Variants in NRXN1 observed in about 807,000 individuals in gnomAD.
NRXN1 encodes neurexin-1.
Under a neutral mutation model 150.9 loss-of-function variants are expected in NRXN1, and 39 were observed. That is an observed-to-expected ratio of 0.26 (90% CI 0.20 to 0.34). The LOEUF (loss-of-function observed/expected upper bound fraction) is 0.34. Among genes scored for constraint, NRXN1 ranks in the 10% least tolerant of loss-of-function variants. NRXN1 has a pLI of 1.00. For missense variants in NRXN1, 1,815 were observed against 1,949.9 expected (o/e 0.93, Z 1.30); for synonymous variants, 924 against 757.0 (o/e 1.22, Z -3.62).
intron 18 of NRXN1, among the ~76,000 whole-genome samples, chr2:50,191,418 T>C (rs1462455035): frequency 6.6e-6 from 1 of 152,184 alleles, no homozygotes; most frequent in African/African-American, 2.4e-5. Flanking sequence ...TAGAGATTAT[T>C]CCGACTTCAC....
intron 18 of NRXN1, among the ~76,000 whole-genome samples, chr2:50,160,497 C>T (rs895991946): frequency 2.0e-4 from 30 of 151,820 alleles, no homozygotes; most frequent in South Asian, 2.1e-4. Context: ...GCTGAGATTG[C>T]GCCATTGCAC....
At chr2:50,311,071 C>T (rs2075138139) in intron 17 of NRXN1, among the ~76,000 whole-genome samples, 2 of 152,016 alleles carry the variant, frequency 1.3e-5, no homozygotes, top group African/African-American at 4.8e-5. Flanking sequence ...ACAAAGTAGC[C>T]TTTTTTATTT....
At chr2:50,357,294 A>ATTTATTTATTTT (rs1363150988) in intron 17 of NRXN1, among the ~76,000 whole-genome samples, 1 of 149,928 alleles carries the variant, frequency 6.7e-6, no homozygotes, top group Non-Finnish European at 1.5e-5. Context: ...ACATTTATTT[A>ATTTATTTATTTT]TTTATTTATT....
chr2:50,834,673 A>C (rs920185072), intron 5 of NRXN1, among the ~76,000 whole-genome samples: 1 of 152,192 alleles, frequency 6.6e-6, no homozygotes, highest in African/African-American at 2.4e-5. Context: ...CAGTTTACTC[A>C]TTTGTAAAAT....
intron 5 of NRXN1, among the ~76,000 whole-genome samples, chr2:50,895,094 A>C (rs1323785263): frequency 6.6e-6 from 1 of 152,178 alleles, no homozygotes; most frequent in Non-Finnish European, 1.5e-5. Context: ...CCACAAGAAT[A>C]AATGACAAAT....
intron 5 of NRXN1, among the ~76,000 whole-genome samples, chr2:50,777,577 A>T (rs1703819474): frequency 6.6e-6 from 1 of 152,190 alleles, no homozygotes; most frequent in Admixed American, 6.5e-5. Context: ...CATAAAACCA[A>T]GCATTCCATT....
intron 21 of NRXN1, among the ~76,000 whole-genome samples, chr2:50,009,727 C>T (rs1685344854): frequency 6.6e-6 from 1 of 152,064 alleles, no homozygotes; most frequent in Admixed American, 6.6e-5. Flanking sequence ...AGTCGCCTGA[C>T]AATTATTAAA....
chr2:50,970,621 T>C (rs1263191430), intron 2 of NRXN1, among the ~76,000 whole-genome samples: 1 of 152,116 alleles, frequency 6.6e-6, no homozygotes, highest in Non-Finnish European at 1.5e-5. Flanking sequence ...TGAATGTTAA[T>C]CACATTTTAG....
At chr2:50,961,330 A>T (rs979737391) in intron 2 of NRXN1, among the ~76,000 whole-genome samples, 2 of 151,590 alleles carry the variant, frequency 1.3e-5, no homozygotes, top group African/African-American at 4.8e-5. Flanking sequence ...CTCTCAGGTG[A>T]TGCTGATGCT....
At chr2:50,652,123 A>C (rs983474180) in intron 5 of NRXN1, among the ~76,000 whole-genome samples, 3 of 151,704 alleles carry the variant, frequency 2.0e-5, no homozygotes, top group African/African-American at 4.8e-5. Flanking sequence ...TTTTTCACAC[A>C]CCTCTTCTGC....
intron 8 of NRXN1, among the ~76,000 whole-genome samples, chr2:50,609,753 G>A (rs144606838): frequency 6.5e-4 from 99 of 152,056 alleles, no homozygotes; most frequent in African/African-American, 1.3e-3. Flanking sequence ...ACAAAAATAC[G>A]TCCATATTTC....
intron 5 of NRXN1, among the ~76,000 whole-genome samples, chr2:50,878,780 C>G (rs1222537348): frequency 5.3e-5 from 8 of 151,930 alleles, no homozygotes; most frequent in Non-Finnish European, 1.5e-5. Context: ...AAAAATAAAA[C>G]TCTTCAGAAT....
At chr2:50,659,135 G>C (rs1244384768) in intron 5 of NRXN1, among the ~76,000 whole-genome samples, 1 of 152,002 alleles carries the variant, frequency 6.6e-6, no homozygotes, top group Non-Finnish European at 1.5e-5. Flanking sequence ...TATGACTACT[G>C]TTCCATCAAG....
chr2:50,289,619 A>G (rs569539755), intron 17 of NRXN1, among the ~76,000 whole-genome samples: 1 of 152,296 alleles, frequency 6.6e-6, no homozygotes, highest in Admixed American at 6.5e-5. Flanking sequence ...AAGGCAATTT[A>G]CTATTAGCTA....
At chr2:50,552,468 T>C (rs756360736) in intron 9 of NRXN1, 119 bp downstream of exon 9, 65 of 740,554 alleles carry the variant, frequency 8.8e-5, no homozygotes, top group Non-Finnish European at 1.3e-4. Flanking sequence ...GCAATTTCTT[T>C]TAGGCTAAAG....
At chr2:50,738,578 A>T (rs1699048489) in intron 5 of NRXN1, among the ~76,000 whole-genome samples, 1 of 152,224 alleles carries the variant, frequency 6.6e-6, no homozygotes, top group Non-Finnish European at 1.5e-5. Flanking sequence ...AAGAGAATGC[A>T]TGAGTTCTTT....
In NRXN1 at chr2:50,347,039, A is replaced by G. The variant is rs896805646; in HGVS notation, c.3365-110069T>C. 1 of 1,368,740 alleles carries G rather than the reference A, an allele frequency of 7.3e-7. No homozygotes were observed. The highest frequency in any genetic ancestry group is 1.2e-5 in the South Asian group (1 of 80,164). 84.8% of individuals were successfully genotyped at this position (1,368,740 alleles called of 1,614,324 possible). ...GGGCGCAGGGGAGCGGGCGGCGCGG[A>G]GTGGGCTGAGGGGCCGGCCGCCTCA... On this transcript the variant is annotated intron_variant, in intron 17 of 22. Coordinates refer to ENST00000401669, the MANE Select transcript of NRXN1 (RefSeq NM_001330078.2). This position sits in a 1 kb window ranked among gnomAD's most constrained non-coding sequence, Gnocchi z 4.9.
chr2:50,167,654 T>A (rs2059770113), intron 18 of NRXN1, among the ~76,000 whole-genome samples: 1 of 152,290 alleles, frequency 6.6e-6, no homozygotes, highest in East Asian at 1.9e-4. Flanking sequence ...GATTTACAAC[T>A]CTTTTCCACT....
At chr2:50,647,030 T>G (rs1684919807) in intron 5 of NRXN1, among the ~76,000 whole-genome samples, 2 of 152,000 alleles carry the variant, frequency 1.3e-5, no homozygotes, top group East Asian at 1.9e-4. Flanking sequence ...GCAATTTTTT[T>G]TTTTTCAATT....
Sources: allele counts gnomAD v4.1 joint callset (sites outside exome capture counted in the v4.1 genomes callset), GRCh38; gene constraint gnomAD v4.1.1; non-coding constraint Gnocchi (gnomAD v3.1); transcripts MANE v1.5; gene names NCBI Gene and HGNC (gene_info 2026-07-23, HGNC 2026-07-21).